DAB1: variants seen among roughly 807,000 people sequenced by gnomAD.
DAB1 encodes the protein DAB adaptor protein 1.
Under a neutral mutation model 64.6 loss-of-function variants are expected in DAB1, and 15 were observed. The observed-to-expected ratio is 0.23, with a 90% CI of 0.16 to 0.36. DAB1 has a LOEUF of 0.36. Ranked by LOEUF, DAB1 falls within the 10% of genes least tolerant of loss-of-function variation. DAB1 has a pLI of 1.00. For missense variants in DAB1, 596 were observed against 706.7 expected (o/e 0.84, Z 1.78); for synonymous variants, 235 against 251.9 (o/e 0.93, Z 0.64).
intron 1 of DAB1, among the ~76,000 whole-genome samples, chr1:57,406,201 C>A (rs1275169364): frequency 1.3e-5 from 2 of 152,222 alleles, no homozygotes; most frequent in Non-Finnish European, 2.9e-5. Flanking sequence ...ACCCTGTAAG[C>A]CCAGAGCCCA....
At chr1:58,495,288 A>C (rs1645779628) in intron 3 of DAB1, among the ~76,000 whole-genome samples, 1 of 152,068 alleles carries the variant, frequency 6.6e-6, no homozygotes, top group South Asian at 2.1e-4. Context: ...AGGAGGAGGG[A>C]GGGATAGCAT....
chr1:57,386,366 GAAAAA>G (rs5774342), intron 1 of DAB1, among the ~76,000 whole-genome samples: 33 of 113,452 alleles, frequency 2.9e-4, no homozygotes, highest in Non-Finnish European at 3.7e-4. Context: ...GGCCCCTTGG[GAAAAA>G]AAAAAAAAAA....
intron 9 of DAB1, among the ~76,000 whole-genome samples, chr1:57,045,434 A>G (rs1350010223): frequency 6.6e-6 from 1 of 152,220 alleles, no homozygotes; most frequent in African/African-American, 2.4e-5. Context: ...GTGGTGGCTC[A>G]TGCCTGTAAT....
chr1:57,481,243 A>C (rs548722770), intron 7 of DAB1, among the ~76,000 whole-genome samples: 1 of 152,302 alleles, frequency 6.6e-6, no homozygotes, highest in South Asian at 2.1e-4. Flanking sequence ...GATGCAAAAG[A>C]TAGGGAGCTA....
At chr1:57,569,130 C>T (rs1366286650) in intron 7 of DAB1, among the ~76,000 whole-genome samples, 16 of 149,602 alleles carry the variant, frequency 1.1e-4, no homozygotes, top group Middle Eastern at 3.5e-3. Flanking sequence ...AGATGGCGGG[C>T]GCCTGTAGTC....
At chr1:57,645,616 T>C (rs2101648284) in intron 7 of DAB1, among the ~76,000 whole-genome samples, 1 of 152,326 alleles carries the variant, frequency 6.6e-6, no homozygotes, top group Admixed American at 6.5e-5. Flanking sequence ...CTGTGTAATG[T>C]TCCAGACCCT....
At chr1:58,484,290 C>T (rs180741114) in intron 3 of DAB1, among the ~76,000 whole-genome samples, 1 of 152,176 alleles carries the variant, frequency 6.6e-6, no homozygotes, top group African/African-American at 2.4e-5. Context: ...TTAAAAAAAT[C>T]TTTTCTCACC....
At chr1:58,380,997 T>C (rs1644381901) in intron 3 of DAB1, among the ~76,000 whole-genome samples, 1 of 152,212 alleles carries the variant, frequency 6.6e-6, no homozygotes, top group Non-Finnish European at 1.5e-5. Flanking sequence ...TGCAGGGACA[T>C]AGATGGAGCT....
chr1:58,232,476 TACACACACACACACACAC>T (rs58863239), intron 4 of DAB1, among the ~76,000 whole-genome samples: 35 of 144,132 alleles, frequency 2.4e-4, no homozygotes, highest in East Asian at 8.6e-4. Flanking sequence ...TCTGAGTGAA[TACACACACACACACACAC>T]ACACACACAC....
intron 3 of DAB1, among the ~76,000 whole-genome samples, chr1:58,407,065 A>G (rs1332308036): frequency 6.6e-6 from 1 of 152,176 alleles, no homozygotes; most frequent in East Asian, 1.9e-4. Context: ...TCAAAAATCC[A>G]TTCATGCCTG....
intron 3 of DAB1, among the ~76,000 whole-genome samples, chr1:58,419,486 C>T (rs986099915): frequency 2.6e-5 from 4 of 152,124 alleles, no homozygotes; most frequent in Admixed American, 2.6e-4. Flanking sequence ...AATGAATAAA[C>T]CACTCTCATT....
chr1:57,856,221 G>A (rs571427464), intron 1 of DAB1, among the ~76,000 whole-genome samples: 15 of 152,188 alleles, frequency 9.9e-5, no homozygotes, highest in Non-Finnish European at 1.8e-4. Flanking sequence ...CTGAGGAGGT[G>A]AGTAAGATCA....
intron 5 of DAB1, among the ~76,000 whole-genome samples, chr1:58,016,969 C>T (rs1646749308): frequency 6.6e-6 from 1 of 152,140 alleles, no homozygotes; most frequent in Non-Finnish European, 1.5e-5. Flanking sequence ...AATCTGAGTG[C>T]ACGTATTATT....
chr1:57,097,364 G>A (rs1173237501), intron 4 of DAB1, among the ~76,000 whole-genome samples: 2 of 152,158 alleles, frequency 1.3e-5, no homozygotes, highest in Non-Finnish European at 1.5e-5. Flanking sequence ...TACTGAGCCC[G>A]AGCTGATGGA....
chr1:57,149,635 T>C (rs1659472168), intron 2 of DAB1, among the ~76,000 whole-genome samples: 4 of 152,184 alleles, frequency 2.6e-5, no homozygotes, highest in Admixed American at 2.6e-4. Flanking sequence ...ATATCTTCTT[T>C]GGAGAAATAT....
intron 1 of DAB1, among the ~76,000 whole-genome samples, chr1:58,543,069 C>T (rs759302000): frequency 3.3e-5 from 5 of 151,890 alleles, no homozygotes; most frequent in Non-Finnish European, 5.9e-5. Flanking sequence ...ACCACAAAGC[C>T]AGAGTGAATA....
intron 7 of DAB1, among the ~76,000 whole-genome samples, chr1:57,633,568 T>C (rs1344058623): frequency 6.6e-6 from 1 of 152,178 alleles, no homozygotes; most frequent in Admixed American, 6.5e-5. Context: ...GTGGGGAATC[T>C]AGGTGTCCCA....
chr1:57,552,823 T>C (rs1341446674), intron 7 of DAB1, among the ~76,000 whole-genome samples: 1 of 152,132 alleles, frequency 6.6e-6, no homozygotes, highest in Non-Finnish European at 1.5e-5. Flanking sequence ...CCTAGAGGCC[T>C]GATGGGGGAA....
intron 1 of DAB1, chr1:58,546,582 G>C (rs1182715953): frequency 6.8e-6 from 1 of 147,462 alleles, no homozygotes; most frequent in South Asian, 2.1e-4. Context: ...CCCACTCCTT[G>C]CCCGGGCGCC....
Sources: gnomAD v4.1 joint callset for allele counts (sites outside exome capture counted in the v4.1 genomes callset) on GRCh38, gnomAD v4.1.1 for gene constraint, MANE v1.5 for transcripts, NCBI Gene and HGNC (gene_info 2026-07-23, HGNC 2026-07-21) for gene names.